PCDH9: variants seen among roughly 807,000 people sequenced by gnomAD.
The protein encoded by PCDH9 is protocadherin 9.
Under a neutral mutation model 70.6 loss-of-function variants are expected in PCDH9, and 24 were observed. That is an observed-to-expected ratio of 0.34 (90% CI 0.25 to 0.48). PCDH9 has a LOEUF of 0.48. Among genes scored for constraint, PCDH9 ranks in the 20% least tolerant of loss-of-function variants. The pLI is 0.99. For missense variants in PCDH9, 1,281 were observed against 1,503.6 expected, an observed-to-expected ratio of 0.85 and a Z score of 2.45; for synonymous variants, 562 against 558.5, an observed-to-expected ratio of 1.01 and a Z score of -0.09.
intron 2 of PCDH9, among the ~76,000 whole-genome samples, chr13:67,193,456 G>C (rs533766245): frequency 6.6e-6 from 1 of 151,344 alleles, no homozygotes; most frequent in South Asian, 2.1e-4. Flanking sequence ...CTCTAATCAG[G>C]TTTCATTATA....
intron 3 of PCDH9, among the ~76,000 whole-genome samples, chr13:66,815,481 T>C (rs1036152033): frequency 1.3e-5 from 2 of 152,186 alleles, no homozygotes; most frequent in South Asian, 2.1e-4. Flanking sequence ...GGTAGATTCA[T>C]TGCAGAACTA....
chr13:67,021,296 ATAG>A (rs1485951494), intron 2 of PCDH9, among the ~76,000 whole-genome samples: 2 of 152,220 alleles, frequency 1.3e-5, no homozygotes, highest in Non-Finnish European at 2.9e-5. Flanking sequence ...AGAACCACTC[ATAG>A]TTGCATCCAG....
At chr13:66,678,885 A>C (rs2078279541) in intron 3 of PCDH9, among the ~76,000 whole-genome samples, 1 of 151,832 alleles carries the variant, frequency 6.6e-6, no homozygotes, top group African/African-American at 2.4e-5. Context: ...AAGAAGGGGC[A>C]GAGCTCTAGT....
intron 3 of PCDH9, among the ~76,000 whole-genome samples, chr13:66,788,520 T>G (rs2139313321): frequency 6.6e-6 from 1 of 152,262 alleles, no homozygotes; most frequent in Middle Eastern, 3.4e-3. Context: ...ACGTCCAGCA[T>G]GCTCAGCATC....
At chr13:66,492,890 A>G (rs1184705978) in intron 4 of PCDH9, among the ~76,000 whole-genome samples, 1 of 152,188 alleles carries the variant, frequency 6.6e-6, no homozygotes, top group African/African-American at 2.4e-5. Context: ...TACAAAGAAA[A>G]GGTGAGCAAG....
intron 2 of PCDH9, among the ~76,000 whole-genome samples, chr13:66,929,135 CA>C (rs2082763551): frequency 6.6e-6 from 1 of 151,824 alleles, no homozygotes; most frequent in African/African-American, 2.4e-5. Context: ...AAATTATACA[CA>C]AAAACATAGA....
chr13:66,679,439 A>T (rs968500750), intron 3 of PCDH9, among the ~76,000 whole-genome samples: 1 of 151,960 alleles, frequency 6.6e-6, no homozygotes, highest in Non-Finnish European at 1.5e-5. Flanking sequence ...GCACAAAAAC[A>T]TACAAGCAAA....
intron 3 of PCDH9, among the ~76,000 whole-genome samples, chr13:66,745,451 T>C (rs1392518208): frequency 6.6e-6 from 1 of 152,178 alleles, no homozygotes; most frequent in Admixed American, 6.5e-5. Context: ...TTTCCTAATT[T>C]GACTTGAGAG....
chr13:66,996,527 A>T (rs1214299909), intron 2 of PCDH9, among the ~76,000 whole-genome samples: 4 of 152,206 alleles, frequency 2.6e-5, no homozygotes, highest in Non-Finnish European at 5.9e-5. Context: ...TAATTGTTAA[A>T]GAATAAGTAA....
intron 3 of PCDH9, among the ~76,000 whole-genome samples, chr13:66,746,657 G>A (rs1228065125): frequency 6.6e-6 from 1 of 152,138 alleles, no homozygotes; most frequent in Non-Finnish European, 1.5e-5. Flanking sequence ...CAGATTTACA[G>A]TCTTTTTCCT....
chr13:66,662,667 T>C (rs1462027131), intron 3 of PCDH9, among the ~76,000 whole-genome samples: 2 of 152,102 alleles, frequency 1.3e-5, no homozygotes, highest in Non-Finnish European at 2.9e-5. Context: ...GGGGAAACAA[T>C]GGATGGGCGA....
intron 4 of PCDH9, among the ~76,000 whole-genome samples, chr13:66,416,322 A>AG (rs1957459792): frequency 6.6e-6 from 1 of 151,594 alleles, no homozygotes; most frequent in Admixed American, 6.6e-5. Context: ...GCTTACAGAA[A>AG]AAAAAAAAAG....
chr13:66,452,127 T>C, intron 4 of PCDH9, among the ~76,000 whole-genome samples: 1 of 152,188 alleles, frequency 6.6e-6, no homozygotes, highest in Non-Finnish European at 1.5e-5. Flanking sequence ...GAAAGAAAAT[T>C]ACTTGATAGT....
chr13:66,716,081 A>G (rs1018656202), intron 3 of PCDH9, among the ~76,000 whole-genome samples: 1 of 152,258 alleles, frequency 6.6e-6, no homozygotes, highest in Non-Finnish European at 1.5e-5. Flanking sequence ...ATACTATCAG[A>G]GGAAATTAAC....
chr13:66,380,356 C>A (rs1956823180), intron 4 of PCDH9, among the ~76,000 whole-genome samples: 1 of 152,078 alleles, frequency 6.6e-6, no homozygotes, highest in Non-Finnish European at 1.5e-5. Context: ...ATTACATATT[C>A]TTTTCCTAGT....
intron 3 of PCDH9, among the ~76,000 whole-genome samples, chr13:66,637,367 T>C (rs868745608): frequency 1.5e-4 from 23 of 152,208 alleles, no homozygotes; most frequent in African/African-American, 5.1e-4. Context: ...TTATGATTTA[T>C]GGAAATTACT....
intron 4 of PCDH9, among the ~76,000 whole-genome samples, chr13:66,510,354 T>G (rs1243188726): frequency 2.0e-5 from 3 of 151,730 alleles, no homozygotes; most frequent in South Asian, 4.1e-4. Context: ...TACATTTATA[T>G]ATATATATAC....
intron 2 of PCDH9, among the ~76,000 whole-genome samples, chr13:67,100,603 T>G (rs1013213029): frequency 6.6e-6 from 1 of 152,232 alleles, no homozygotes; most frequent in African/African-American, 2.4e-5. Context: ...AAGTAATCAC[T>G]GCAGTTTCTA....
intron 3 of PCDH9, among the ~76,000 whole-genome samples, chr13:66,728,940 G>T (rs2079038247): frequency 6.6e-6 from 1 of 151,722 alleles, no homozygotes; most frequent in Admixed American, 6.6e-5. Flanking sequence ...CATAGTTTCT[G>T]TCCATGGTGT....
Sources: allele counts gnomAD v4.1 joint callset (sites outside exome capture counted in the v4.1 genomes callset), GRCh38; gene constraint gnomAD v4.1.1; transcripts MANE v1.5; gene names NCBI Gene and HGNC (gene_info 2026-07-23, HGNC 2026-07-21).